Variants in MEGF11 observed in about 807,000 individuals in gnomAD.
MEGF11 encodes the protein multiple epidermal growth factor-like domains protein 11.
Under a neutral mutation model 146.6 loss-of-function variants are expected in MEGF11, and 126 were observed. The ratio of observed to expected loss-of-function variants is 0.86; its 90% confidence interval spans 0.74 to 1.00. The LOEUF is 1.00. Ranked by LOEUF, MEGF11 falls within the 50% of genes least tolerant of loss-of-function variation. The probability of loss-of-function intolerance (pLI) is 0.00; values close to 1 mark genes in which losing one functional copy is unlikely to be tolerated. For synonymous variants in MEGF11, 532 were observed against 583.4 expected (o/e 0.91, Z 1.27); for missense variants, 1,509 against 1,521.2 (o/e 0.99, Z 0.13).
intron 4 of MEGF11, among the ~76,000 whole-genome samples, chr15:66,110,101 C>T (rs935533017): frequency 7.2e-5 from 11 of 152,092 alleles, no homozygotes; most frequent in East Asian, 1.9e-4. Context: ...CCCAAACAGG[C>T]GGAGTTCCAG....
chr15:65,977,017 A>G (rs1171903675), intron 7 of MEGF11, among the ~76,000 whole-genome samples: 1 of 151,806 alleles, frequency 6.6e-6, no homozygotes, highest in Non-Finnish European at 1.5e-5. Context: ...AAAATACAAA[A>G]AGTTAGCCGG....
chr15:66,173,066 G>A (rs1249768003), intron 1 of MEGF11, among the ~76,000 whole-genome samples: 1 of 152,136 alleles, frequency 6.6e-6, no homozygotes, highest in Admixed American at 6.5e-5. Flanking sequence ...CACCTCAAAC[G>A]CCCTCCTCCA....
At chr15:65,990,505 G>A (rs975591312) in intron 5 of MEGF11, among the ~76,000 whole-genome samples, 1 of 151,684 alleles carries the variant, frequency 6.6e-6, no homozygotes, top group South Asian at 2.1e-4. Flanking sequence ...AGCTGTGATG[G>A]CGCCACTGTA....
At chr15:65,910,105 G>A (rs141242372) in intron 21 of MEGF11, 8 of 548,924 alleles carry the variant, frequency 1.5e-5, no homozygotes, top group African/African-American at 1.9e-5. Context: ...TAGCTGGGGG[G>A]TGGGGCTGAG....
intron 5 of MEGF11, among the ~76,000 whole-genome samples, chr15:66,048,236 G>A (rs114611090): frequency 0.024 from 3,636 of 152,288 alleles, 53 homozygotes; most frequent in African/African-American, 0.038. Context: ...ATGAGGCACC[G>A]CGCCCAGCCA....
At chr15:66,073,892 C>T (rs925497807) in intron 5 of MEGF11, among the ~76,000 whole-genome samples, 5 of 152,192 alleles carry the variant, frequency 3.3e-5, no homozygotes, top group Non-Finnish European at 7.3e-5. Flanking sequence ...TGTTTTCCCC[C>T]ACATGAGCTT....
intron 10 of MEGF11, 26 bp from the exon 11 acceptor site, chr15:65,930,969 G>T: frequency 3.2e-6 from 5 of 1,549,770 alleles, no homozygotes; most frequent in Non-Finnish European, 4.4e-6. Context: ...GTGAATTTTG[G>T]ATCAAAGGTT....
chr15:66,222,694 T>A (rs891294687), intron 1 of MEGF11, among the ~76,000 whole-genome samples: 9 of 152,142 alleles, frequency 5.9e-5, no homozygotes, highest in African/African-American at 2.2e-4. Context: ...AATAGACACT[T>A]CTCCAAAGAA....
At chr15:66,214,453 G>A (rs2091536895) in intron 1 of MEGF11, among the ~76,000 whole-genome samples, 1 of 152,204 alleles carries the variant, frequency 6.6e-6, no homozygotes, top group African/African-American at 2.4e-5. Context: ...CTCACGATGT[G>A]ATCTGGGAGG....
chr15:66,145,740 G>A (rs1471504534), intron 1 of MEGF11, among the ~76,000 whole-genome samples: 1 of 152,206 alleles, frequency 6.6e-6, no homozygotes, highest in Non-Finnish European at 1.5e-5. Context: ...TTGTGGTTAA[G>A]GAAATGTGCT....
chr15:66,045,212 C>T (rs910783677), intron 5 of MEGF11, among the ~76,000 whole-genome samples: 1 of 152,216 alleles, frequency 6.6e-6, no homozygotes, highest in Admixed American at 6.5e-5. Flanking sequence ...TGTTTTGTAG[C>T]TCTACTATCT....
chr15:66,043,740 C>T (rs1311843061), intron 5 of MEGF11, among the ~76,000 whole-genome samples: 1 of 152,230 alleles, frequency 6.6e-6, no homozygotes, highest in Non-Finnish European at 1.5e-5. Flanking sequence ...CATTTATTCA[C>T]TCAACAGACA....
At chr15:65,967,291 C>T (rs1476296805) in intron 8 of MEGF11, among the ~76,000 whole-genome samples, 2 of 152,084 alleles carry the variant, frequency 1.3e-5, no homozygotes, top group African/African-American at 4.8e-5. Flanking sequence ...ACCTTCTGGC[C>T]TTAAATTCAG....
chr15:66,058,377 A>T lies in MEGF11; in HGVS notation c.394+36025T>A, dbSNP rs565676611. Among the ~76,000 whole-genome samples the T allele has an allele frequency of 2.6e-5, 4 of 152,332 alleles. No homozygotes were observed. The South Asian group carries it at 8.3e-4, about 32-fold the overall frequency. ...GCGGCACTAACACACTTCTTCAAGA[A>T]GCTGTTTTCTTTCCACCCCCAGAAC... On this transcript the variant is annotated intron_variant, in intron 5 of 25. Transcript: ENST00000395614.
At chr15:65,964,167 G>T (rs879844434) in intron 9 of MEGF11, among the ~76,000 whole-genome samples, 1 of 152,192 alleles carries the variant, frequency 6.6e-6, no homozygotes, top group Non-Finnish European at 1.5e-5. Flanking sequence ...CGTGAAGCGG[G>T]CAGGGAGGGG....
chr15:65,913,439 A>G, intron 20 of MEGF11: 2 of 515,366 alleles, frequency 3.9e-6, no homozygotes, highest in South Asian at 2.4e-5. Flanking sequence ...TAGGAAAGTG[A>G]CTGGTTAGTG....
At chr15:66,089,093 C>G (rs921783494) in intron 5 of MEGF11, among the ~76,000 whole-genome samples, 3 of 152,198 alleles carry the variant, frequency 2.0e-5, no homozygotes, top group Admixed American at 6.5e-5. Context: ...AGTTTAGGAG[C>G]ATAGGCATAT....
intron 7 of MEGF11, among the ~76,000 whole-genome samples, chr15:65,976,537 T>C (rs971583309): frequency 2.0e-5 from 3 of 152,278 alleles, no homozygotes; most frequent in Non-Finnish European, 2.9e-5. Flanking sequence ...AGGGAGAAGA[T>C]GGCCATCTAC....
At chr15:66,118,674 C>T (rs1043243450) in intron 4 of MEGF11, among the ~76,000 whole-genome samples, 1 of 152,152 alleles carries the variant, frequency 6.6e-6, no homozygotes, top group Non-Finnish European at 1.5e-5. Flanking sequence ...TCCACCCATC[C>T]AACTGTCCAT....
Sources: gnomAD v4.1 joint callset for allele counts (sites outside exome capture counted in the v4.1 genomes callset) on GRCh38, gnomAD v4.1.1 for gene constraint, MANE v1.5 for transcripts, NCBI Gene and HGNC (gene_info 2026-07-23, HGNC 2026-07-21) for gene names.